Variants in ZFHX3 observed in about 807,000 individuals in gnomAD.
ZFHX3 encodes the protein zinc finger homeobox protein 3.
A neutral mutation model predicts 279.1 loss-of-function variants in ZFHX3; 42 were observed. The ratio of observed to expected loss-of-function variants is 0.15; its 90% CI spans 0.12 to 0.19. ZFHX3 has a LOEUF of 0.19. ZFHX3 is among the 10% of genes least tolerant of loss of function. The probability of loss-of-function intolerance (pLI) is 1.00; values close to 1 mark genes in which losing one functional copy is unlikely to be tolerated. For synonymous variants in ZFHX3, 2,293 were observed against 1,957.8 expected (o/e 1.17, Z -4.52); for missense variants, 4,981 against 4,754.0 (o/e 1.05, Z -1.40).
chr16:72,867,651 G>C (rs914003334), intron 4 of ZFHX3, among the ~76,000 whole-genome samples: 1 of 151,876 alleles, frequency 6.6e-6, no homozygotes, highest in Non-Finnish European at 1.5e-5. Context: ...TTTTGCTCTT[G>C]CAGTCATTTC....
chr16:73,568,523 A>G (rs2020481508), intron 2 of ZFHX3, among the ~76,000 whole-genome samples: 1 of 152,124 alleles, frequency 6.6e-6, no homozygotes, highest in Non-Finnish European at 1.5e-5. Flanking sequence ...TACACCCAAA[A>G]ATCAACCCGT....
intron 2 of ZFHX3, among the ~76,000 whole-genome samples, chr16:73,592,752 T>C (rs1273556586): frequency 2.0e-5 from 3 of 151,470 alleles, no homozygotes; most frequent in Non-Finnish European, 2.9e-5. Context: ...TTTTTTTAAA[T>C]AGAGACAAAT....
At chr16:73,596,414 C>G (rs1180028465) in intron 2 of ZFHX3, among the ~76,000 whole-genome samples, 1 of 152,086 alleles carries the variant, frequency 6.6e-6, no homozygotes, top group African/African-American at 2.4e-5. Context: ...GGTGGAGTTT[C>G]AGCCTGCTCC....
chr16:73,471,749 C>T (rs1319427042), intron 2 of ZFHX3, among the ~76,000 whole-genome samples: 1 of 152,208 alleles, frequency 6.6e-6, no homozygotes, highest in Admixed American at 6.5e-5. Flanking sequence ...GACAATCTCA[C>T]TTGAGAAGAA....
In ZFHX3 at chr16:72,797,476, G is replaced by C. The variant is rs2035951886; in HGVS notation, c.5206C>G (p.Gln1736Glu). 2 of 1,613,352 alleles carry C rather than the reference G, an allele frequency of 1.2e-6. No individual in the cohort carries two copies. The highest frequency in any genetic ancestry group is 1.7e-6 in the Non-Finnish European group (2 of 1,179,638). The change falls in exon 9 of 10, where the codon CAA becomes GAA. Residue 1736 changes from glutamine to glutamate, a missense_variant. Physicochemically the swap from Gln to Glu is conservative, Grantham distance 29 (BLOSUM62 2). Around this residue, in one of 7 missense-constraint regions of ZFHX3, gnomAD observed 1,751 missense variants for 1,770.0 expected, o/e 0.99. Coordinates refer to ENST00000268489, the MANE Select transcript of ZFHX3 (RefSeq NM_006885.4). Reference protein sequence around the residue: ...QQQQQQQQQQQQQQQQAQTLA... With the variant: ...QQQQQQQQQQEQQQQQAQTLA... ...GTTTGTGCTTGTTGTTGTTGTTGTT[G>C]TTGTTGTTGTTGCTGTTGCTGCTGC... is the stretch of plus-strand genomic sequence containing the variant.
chr16:73,154,977 C>T (rs561226349), intron 5 of ZFHX3, among the ~76,000 whole-genome samples: 1 of 152,012 alleles, frequency 6.6e-6, no homozygotes, highest in South Asian at 2.1e-4. Flanking sequence ...AGTTCGAGAC[C>T]AGCCTGGCCA....
At chr16:73,293,451 T>C (rs150452619) in intron 4 of ZFHX3, among the ~76,000 whole-genome samples, 87 of 152,328 alleles carry the variant, frequency 5.7e-4, no homozygotes, top group Non-Finnish European at 6.0e-4. Context: ...TCATCATAAA[T>C]GGTACTTTCA....
At chr16:73,366,368 G>T (rs1351202751) in intron 3 of ZFHX3, among the ~76,000 whole-genome samples, 1 of 151,968 alleles carries the variant, frequency 6.6e-6, no homozygotes, top group African/African-American at 2.4e-5. Flanking sequence ...AATACAGTGG[G>T]GGAAAACTAT....
intron 1 of ZFHX3, among the ~76,000 whole-genome samples, chr16:72,994,933 A>T (rs1963228383): frequency 6.6e-6 from 1 of 152,190 alleles, no homozygotes; most frequent in Admixed American, 6.5e-5. Flanking sequence ...CCTGTTTGAA[A>T]GCATTCCCAT....
intron 5 of ZFHX3, among the ~76,000 whole-genome samples, chr16:72,817,171 A>G (rs1730651009): frequency 1.3e-5 from 2 of 152,266 alleles, no homozygotes; most frequent in South Asian, 2.1e-4. Flanking sequence ...GTAGAAGCAC[A>G]GCCTTTCAAC....
chr16:73,790,286 G>A (rs958556118), intron 1 of ZFHX3, among the ~76,000 whole-genome samples: 8 of 138,570 alleles, frequency 5.8e-5, no homozygotes, highest in African/African-American at 2.2e-4. Flanking sequence ...TTTCATTTTT[G>A]GAAACCGTCA....
intron 1 of ZFHX3, among the ~76,000 whole-genome samples, chr16:73,837,185 G>A (rs1436456641): frequency 6.6e-6 from 1 of 152,192 alleles, no homozygotes; most frequent in East Asian, 1.9e-4. Context: ...CCTAAGCCCA[G>A]TGCACCATGT....
intron 1 of ZFHX3, among the ~76,000 whole-genome samples, chr16:73,853,076 C>T (rs967453373): frequency 6.6e-6 from 1 of 152,154 alleles, no homozygotes; most frequent in Non-Finnish European, 1.5e-5. Context: ...CATGAAACAA[C>T]ATTCAATGTC....
intron 4 of ZFHX3, among the ~76,000 whole-genome samples, chr16:72,885,683 G>C (rs16971366): frequency 0.15 from 22,989 of 152,218 alleles, 2,324 homozygotes; most frequent in Non-Finnish European, 0.22. Context: ...ATGAGGTCCA[G>C]AACTCAGAAA....
intron 1 of ZFHX3, among the ~76,000 whole-genome samples, chr16:73,689,285 G>C (rs999182654): frequency 6.6e-6 from 1 of 152,040 alleles, no homozygotes; most frequent in African/African-American, 2.4e-5. Context: ...TCTGGGGACA[G>C]GGGGGTTTTA....
chr16:73,503,053 C>A (rs1185237777), intron 2 of ZFHX3, among the ~76,000 whole-genome samples: 1 of 152,190 alleles, frequency 6.6e-6, no homozygotes, highest in Non-Finnish European at 1.5e-5. Flanking sequence ...GAACTGCAGG[C>A]CCCCTTTCCA....
intron 2 of ZFHX3, among the ~76,000 whole-genome samples, chr16:73,534,857 G>T (rs527841700): frequency 6.6e-6 from 1 of 152,238 alleles, no homozygotes; most frequent in East Asian, 1.9e-4. Context: ...GAAACCTTTA[G>T]ATTTTGGTGG....
rs192254094 is a variant in ZFHX3 at position 72,914,506 on chromosome 16, A to C, written c.3217-24544T>G. Among the ~76,000 whole-genome samples, 13 of 152,336 alleles carry C rather than the reference A, an allele frequency of 8.5e-5. No homozygotes were observed. In the East Asian group the frequency reaches 2.5e-3, roughly 29 times the overall value. ...GTCAGGAAAAAAGCGATCAGCAGGCAGACTTGGGGGAGAAACTTGGCCCAC... is the reference window on the plus strand; with the variant it reads ...GTCAGGAAAAAAGCGATCAGCAGGCCGACTTGGGGGAGAAACTTGGCCCAC... On this transcript the variant is annotated intron_variant, in intron 3 of 9. Coordinates refer to ENST00000268489, the MANE Select transcript of ZFHX3 (RefSeq NM_006885.4).
At chr16:73,789,472 G>A (rs1337810171) in intron 1 of ZFHX3, among the ~76,000 whole-genome samples, 2 of 152,146 alleles carry the variant, frequency 1.3e-5, no homozygotes, top group Non-Finnish European at 2.9e-5. Context: ...GAGCCACCGT[G>A]CCCGGCTGGG....
Sources: allele counts gnomAD v4.1 joint callset (sites outside exome capture counted in the v4.1 genomes callset), GRCh38; gene constraint gnomAD v4.1.1; regional missense constraint gnomAD v4.1.1; transcripts MANE v1.5; gene names NCBI Gene and HGNC (gene_info 2026-07-23, HGNC 2026-07-21).